VCAN: variants seen among roughly 807,000 people sequenced by gnomAD.
VCAN encodes versican.
A neutral mutation model predicts 245.5 loss-of-function variants in VCAN; 44 were observed. That is an observed-to-expected ratio of 0.18 (90% CI 0.14 to 0.23). The LOEUF is 0.23. Ranked by LOEUF, VCAN falls within the 10% of genes least tolerant of loss-of-function variation. VCAN has a pLI of 1.00. For missense variants in VCAN, 3,793 were observed against 4,057.9 expected, an observed-to-expected ratio of 0.93 and a Z score of 1.77; for synonymous variants, 1,413 against 1,437.0, an observed-to-expected ratio of 0.98 and a Z score of 0.38.
In VCAN at chr5:83,537,496, C is replaced by T; in HGVS notation, c.4493C>T (p.Pro1498Leu). 1 of 1,613,894 alleles carries T rather than the reference C, an allele frequency of 6.2e-7. No homozygotes were observed. The highest frequency in any genetic ancestry group is 1.1e-5 in the South Asian group (1 of 91,078). ...ETSEHFSGGE[P>L]DVFPTVPFHE... ...TCAGAACATTTTTCAGGTGGTGAGCCTGATGTTTTCCCCACAGTCCCATTC... is the reference window on the plus strand; with the variant it reads ...TCAGAACATTTTTCAGGTGGTGAGCTTGATGTTTTCCCCACAGTCCCATTC... The change falls in exon 8 of 15, where the codon CCT (proline) becomes CTT (leucine). Residue 1498 changes from proline to leucine, a missense_variant. Transcript: ENST00000265077.
At position 83,541,126 on chromosome 5, in the gene VCAN, G is replaced by C. The variant is rs762334148; in HGVS notation, c.8123G>C (p.Gly2708Ala). 11 of 1,614,080 alleles carry C rather than the reference G, an allele frequency of 6.8e-6. No individual in the cohort carries two copies. In the South Asian group the frequency reaches 1.2e-4, roughly 18 times the overall value. ...KSATVIPEIE[G>A]IKAEAKALDD... Reference sequence around the variant, plus strand: ...GCCACAGTTATTCCAGAGATTGAAGGAATAAAAGCTGAAGCAAAAGCCCTG... The same window carrying C: ...GCCACAGTTATTCCAGAGATTGAAGCAATAAAAGCTGAAGCAAAAGCCCTG... Residue 2708 changes from glycine to alanine, a missense_variant, in exon 8 of 15, where the codon GGA (glycine) becomes GCA (alanine). By Grantham distance (60) the Gly-to-Ala change is moderately conservative. This residue lies in a region of VCAN where 3,182 missense variants were observed against 3,250.3 expected (regional missense o/e 0.98). Coordinates refer to ENST00000265077, the MANE Select transcript of VCAN (RefSeq NM_004385.5).
intron 10 of VCAN, 58 bp from the exon 11 acceptor site, chr5:83,553,306 G>A (rs997521750): frequency 6.2e-7 from 1 of 1,604,792 alleles, no homozygotes; most frequent in Non-Finnish European, 8.5e-7. Context: ...CTTGGTTGGG[G>A]GTGCCAAGTT....
intron 7 of VCAN, among the ~76,000 whole-genome samples, chr5:83,532,377 T>G (rs1323198799): frequency 6.6e-6 from 1 of 151,986 alleles, no homozygotes; most frequent in Non-Finnish European, 1.5e-5. Context: ...AGGGAAAAAT[T>G]TATCTGCATA....
In VCAN at chr5:83,520,721, G is replaced by C; in HGVS notation, c.2415G>C (p.Trp805Cys). The C allele has an allele frequency of 6.2e-7, 1 of 1,614,108 alleles. No homozygotes were observed. The highest frequency in any genetic ancestry group is 1.3e-5 in the African/African-American group (1 of 75,030). ...VEAATVSKWSWDEDNTTSKPL... is the reference protein window; with the variant it reads ...VEAATVSKWSCDEDNTTSKPL... ...CAGCCACTGTATCAAAATGGTCATG[G>C]GATGAAGATAATACAACATCCAAGC... The change falls in exon 7 of 15, where the codon TGG becomes TGC. Residue 805 changes from tryptophan to cysteine, a missense_variant. Physicochemically the swap from Trp to Cys is radical, Grantham distance 215. Coordinates refer to ENST00000265077, the MANE Select transcript of VCAN (RefSeq NM_004385.5).
intron 7 of VCAN, among the ~76,000 whole-genome samples, chr5:83,524,526 A>G (rs759984210): frequency 2.1e-5 from 3 of 145,606 alleles, no homozygotes; most frequent in Non-Finnish European, 4.5e-5. Flanking sequence ...CTTCCTACCT[A>G]CCTACCTGCG....
At chr5:83,556,333 CG>C (rs1390418965) in intron 12 of VCAN, among the ~76,000 whole-genome samples, 2 of 152,048 alleles carry the variant, frequency 1.3e-5, no homozygotes, top group East Asian at 3.9e-4. Context: ...TTCTTCTGAC[CG>C]GTACCTCCTC....
At chr5:83,543,167 G>A (rs1747069232) in intron 8 of VCAN, among the ~76,000 whole-genome samples, 1 of 152,156 alleles carries the variant, frequency 6.6e-6, no homozygotes, top group South Asian at 2.1e-4. Context: ...AATAATATAT[G>A]AACCAGGAAT....
At chr5:83,557,052 A>G (rs73769481) in intron 12 of VCAN, among the ~76,000 whole-genome samples, 3,176 of 152,170 alleles carry the variant, frequency 0.021, 111 homozygotes, top group African/African-American at 0.069. Context: ...GGCCATTTCT[A>G]TCTAGTTACT....
At chr5:83,546,735 G>A (rs1303537479) in intron 9 of VCAN, among the ~76,000 whole-genome samples, 1 of 152,222 alleles carries the variant, frequency 6.6e-6, no homozygotes, top group East Asian at 1.9e-4. Context: ...AAAGTGTCTG[G>A]CACTCAGCAA....
intron 1 of VCAN, among the ~76,000 whole-genome samples, chr5:83,480,432 A>G (rs944986800): frequency 5.9e-5 from 9 of 152,200 alleles, no homozygotes; most frequent in Non-Finnish European, 5.9e-5. Context: ...GATATTGACA[A>G]ACATCATATT....
At position 83,541,813 on chromosome 5, in the gene VCAN, A is replaced by G. The variant is rs1181662674; in HGVS notation, c.8810A>G (p.Asp2937Gly). 4 of 1,614,090 alleles carry G rather than the reference A, an allele frequency of 2.5e-6. No individual in the cohort carries two copies. The highest frequency in any genetic ancestry group is 3.4e-6 in the Non-Finnish European group (4 of 1,179,990). Reference protein sequence around the residue: ...EILQDFQNKTDGQVSGEAIKM... With the variant: ...EILQDFQNKTGGQVSGEAIKM... ...CTCCAAGATTTCCAAAACAAAACCG[A>G]TGGTCAAGTTTCTGGAGAAGCAATC... The change falls in exon 8 of 15, where the codon GAT becomes GGT. Residue 2937 changes from aspartate (D) to glycine (G), a missense_variant. Physicochemically the swap from Asp to Gly is moderately conservative, Grantham distance 94. This residue lies in a region of VCAN where 3,182 missense variants were observed against 3,250.3 expected (regional missense o/e 0.98). Transcript: ENST00000265077.
Position 83,520,280 on chromosome 5 carries a change from T to G in VCAN, c.1974T>G (p.Tyr658Ter). 6.2e-7 allele frequency: 1 copy of G among 1,614,032 alleles called. No individual in the cohort carries two copies. ...QHRTEIELFP[Y>*]SGDKILVEGI... ...GTACAGAAATAGAATTGTTTCCTTA[T>G]TCTGGTGATAAAATATTAGTAGAGG... Residue 658 changes from tyrosine to a stop codon, truncating the protein, a stop_gained, in exon 7 of 15, where the codon TAT (tyrosine) becomes TAG (stop). Coordinates refer to ENST00000265077, the MANE Select transcript of VCAN (RefSeq NM_004385.5). LOFTEE classifies it high-confidence loss of function.
rs757994515 is a variant in VCAN, at chr5:83,539,806, C to A, written c.6803C>A (p.Thr2268Lys). Reference sequence around the variant, plus strand: ...GAAGAAGTTTTACCTACTCTACCAACAGAGTCAGTGAATTTTACTGAAGTG... The same window carrying A: ...GAAGAAGTTTTACCTACTCTACCAAAAGAGTCAGTGAATTTTACTGAAGTG... ...SGEEVLPTLP[T>K]ESVNFTEVEQ... The change falls in exon 8 of 15, where the codon ACA (threonine) becomes AAA (lysine). Residue 2268 changes from threonine to lysine, a missense_variant. By Grantham distance (78) the Thr-to-Lys change is moderately conservative (BLOSUM62 -1). Around this residue, in one of 5 missense-constraint regions of VCAN, gnomAD observed 3,182 missense variants for 3,250.3 expected, o/e 0.98. Coordinates refer to ENST00000265077, the MANE Select transcript of VCAN (RefSeq NM_004385.5). The A allele has an allele frequency of 6.2e-7, 1 of 1,614,046 alleles. No individual in the cohort carries two copies. Among genetic ancestry groups the A allele is most frequent in the Non-Finnish European group, 8.5e-7 (1 of 1,180,002 alleles).
chr5:83,571,100 AC>A, intron 12 of VCAN, among the ~76,000 whole-genome samples: 1 of 152,162 alleles, frequency 6.6e-6, no homozygotes. Flanking sequence ...GTCATACTAG[AC>A]ATGATAAAGC....
chr5:83,495,651 A>G (rs1198552717), intron 5 of VCAN, among the ~76,000 whole-genome samples: 1 of 152,234 alleles, frequency 6.6e-6, no homozygotes, highest in Admixed American at 6.5e-5. Context: ...TTGTATCACT[A>G]TTGTTTTAAT....
intron 2 of VCAN, 75 bp downstream of exon 2, chr5:83,483,663 G>A (rs1744692476): frequency 7.7e-7 from 1 of 1,296,988 alleles, no homozygotes; most frequent in South Asian, 1.2e-5. Flanking sequence ...TGGCAATGTG[G>A]AATCACTGGA....
intron 1 of VCAN, among the ~76,000 whole-genome samples, chr5:83,478,590 C>T (rs1477120670): frequency 6.6e-6 from 1 of 152,088 alleles, no homozygotes; most frequent in African/African-American, 2.4e-5. Context: ...TTGCTGTATC[C>T]ACCTAATGGA....
chr5:83,571,825 T>C (rs1196405476), intron 12 of VCAN, among the ~76,000 whole-genome samples: 2 of 152,160 alleles, frequency 1.3e-5, no homozygotes, highest in Non-Finnish European at 2.9e-5. Flanking sequence ...AGGTTGTATA[T>C]AAAATGATTA....
chr5:83,569,076 T>G (rs1391024505), intron 12 of VCAN, among the ~76,000 whole-genome samples: 1 of 152,214 alleles, frequency 6.6e-6, no homozygotes, highest in Non-Finnish European at 1.5e-5. Context: ...TGTCTGGCTA[T>G]ATCATAATTT....
Sources: gnomAD v4.1 joint callset for allele counts (sites outside exome capture counted in the v4.1 genomes callset) on GRCh38, gnomAD v4.1.1 for gene constraint, gnomAD v4.1.1 regional missense constraint, MANE v1.5 for transcripts, NCBI Gene and HGNC (gene_info 2026-07-23, HGNC 2026-07-21) for gene names.